Variants in KYAT3 observed in about 807,000 individuals in gnomAD.
KYAT3 encodes kynurenine aminotransferase 3.
Under a neutral mutation model 59.0 loss-of-function variants are expected in KYAT3, and 50 were observed. That is an observed-to-expected ratio of 0.85 (90% CI 0.68 to 1.07). KYAT3 has a LOEUF of 1.07. Among genes scored for constraint, KYAT3 ranks in the 50% least tolerant of loss-of-function variants. The pLI is 0.00. For synonymous variants in KYAT3, 148 were observed against 177.0 expected, an observed-to-expected ratio of 0.84 and a Z score of 1.30; for missense variants, 497 against 533.3, an observed-to-expected ratio of 0.93 and a Z score of 0.67.
chr1:88,936,000 GA>G lies in KYAT3; in HGVS notation c.*182del, dbSNP rs998066948. 60 of 506,094 alleles carry G rather than the reference GA, an allele frequency of 1.2e-4. No individual in the cohort carries two copies. The East Asian group carries it at 1.2e-3, about 10-fold the overall frequency. 31.4% of individuals were successfully genotyped at this position (506,094 alleles called of 1,614,324 possible). ...AAGGTGTGTTAATACATTTCAACTGGAAAAAAAAGGTCAGATCCCCCGAAAA... is the reference window on the plus strand; with the variant it reads ...AAGGTGTGTTAATACATTTCAACTGGAAAAAAAGGTCAGATCCCCCGAAAA... On this transcript the variant is annotated 3_prime_UTR_variant, in exon 14 of 14. Coordinates refer to ENST00000260508, the MANE Select transcript of KYAT3 (RefSeq NM_001008661.3).
intron 2 of KYAT3, among the ~76,000 whole-genome samples, chr1:88,972,162 G>T (rs1396177543): frequency 6.6e-6 from 1 of 152,206 alleles, no homozygotes; most frequent in Non-Finnish European, 1.5e-5. Context: ...GGGAAGAACG[G>T]ATGCTGCAAC....
chr1:88,978,607 C>T (rs1441292774), intron 2 of KYAT3, among the ~76,000 whole-genome samples: 1 of 152,152 alleles, frequency 6.6e-6, no homozygotes, highest in Non-Finnish European at 1.5e-5. Context: ...AAGTCATCCT[C>T]CCACCCCAGC....
chr1:88,953,038 T>C (rs1302341252), intron 10 of KYAT3, 25 bp downstream of exon 10: 1 of 1,386,666 alleles, frequency 7.2e-7, no homozygotes, highest in Non-Finnish European at 1.0e-6. Flanking sequence ...ACAATGCTTC[T>C]ACCCTGAGTT....
Position 88,961,931 on chromosome 1 carries a change from A to G in KYAT3, c.540+128T>C, listed in dbSNP as rs1294684749. The G allele has an allele frequency of 1.5e-5, 10 of 688,050 alleles. No homozygotes were observed. The African/African-American group carries it at 1.6e-4, about 11-fold the overall frequency. The allele number at this position is 688,050 out of a possible 1,614,324, so 42.6% of individuals were successfully genotyped here. On this transcript the variant is annotated intron_variant, in intron 6 of 13. Coordinates refer to ENST00000260508, the MANE Select transcript of KYAT3 (RefSeq NM_001008661.3). ...AAATATTTTAAAAAGACAACTAGAC[A>G]AATAGAGATATACAGGAAATCTCCA...
At chr1:88,926,050 C>A in the KYAT3 span, among the ~76,000 whole-genome samples, 18 of 152,300 alleles carry the variant, frequency 1.2e-4, no homozygotes, top group African/African-American at 4.1e-4. Context: ...TCTGTAGCAG[C>A]AACTGCTTTG....
chr1:88,990,570 C>T (rs1677731681), intron 1 of KYAT3, among the ~76,000 whole-genome samples: 1 of 152,206 alleles, frequency 6.6e-6, no homozygotes, highest in Admixed American at 6.5e-5. Context: ...TGGCTTTTGA[C>T]ATCTTACAAT....
At chr1:88,985,435 A>T (rs1350410469) in intron 2 of KYAT3, among the ~76,000 whole-genome samples, 1 of 152,222 alleles carries the variant, frequency 6.6e-6, no homozygotes, top group Non-Finnish European at 1.5e-5. Context: ...AAGATTGGTA[A>T]GTTTGAATCT....
chr1:88,944,775 T>C lies in KYAT3; in HGVS notation c.1142-1352A>G, dbSNP rs978602681. ...AATACCTAAGGGAGTAGAAGAGGATTATTGACTAATTCTAATTGACACTGT... is the reference window on the plus strand; with the variant it reads ...AATACCTAAGGGAGTAGAAGAGGATCATTGACTAATTCTAATTGACACTGT... On this transcript the variant is annotated intron_variant, in intron 11 of 13. Transcript: ENST00000260508. Among the ~76,000 whole-genome samples, 13 of 152,302 alleles carry C rather than the reference T, an allele frequency of 8.5e-5. 1 individual carries two copies. Among genetic ancestry groups the C allele is most frequent in the Admixed American group, 6.5e-4 (10 of 15,286 alleles).
In KYAT3 at chr1:88,962,086, T is replaced by C. The variant is rs1353176901; in HGVS notation, c.513A>G (p.Ala171=). ...CYEPMVRMAG[A]TPVFIPLRSK... ...ATCTCAGGGGAATAAAAACAGGTGT[T>C]GCTCCAGCCATTCTCACCATGGGCT... The change falls in exon 6 of 14, where the codon GCA becomes GCG. Residue 171 remains alanine, a synonymous_variant. Coordinates refer to ENST00000260508, the MANE Select transcript of KYAT3 (RefSeq NM_001008661.3). 1 of 1,614,038 alleles carries C rather than the reference T, an allele frequency of 6.2e-7. No individual in the cohort carries two copies. The highest frequency in any genetic ancestry group is 1.3e-5 in the African/African-American group (1 of 75,046).
rs752485594 is a variant in KYAT3, at chr1:88,943,120, G to C, written c.1216-29C>G. The stretch of plus-strand genomic sequence containing the variant: ...AAAAATAAATAGAAACATATAATAA[G>C]AAAACTACTTACACTTCAAATATTA... On this transcript the variant is annotated intron_variant, in intron 12 of 13. Coordinates refer to ENST00000260508, the MANE Select transcript of KYAT3 (RefSeq NM_001008661.3). The C allele has an allele frequency of 2.0e-6, 3 of 1,486,506 alleles. No homozygotes were observed. The South Asian group carries it at 3.5e-5, about 17-fold the overall frequency. 92.1% of individuals were successfully genotyped at this position (1,486,506 alleles called of 1,614,324 possible).
chr1:88,976,015 C>CA (rs1676775560), intron 2 of KYAT3, among the ~76,000 whole-genome samples: 1 of 149,882 alleles, frequency 6.7e-6, no homozygotes, highest in Non-Finnish European at 1.5e-5. Context: ...GCCTGGGTGA[C>CA]AGAGCGAGAC....
chr1:88,951,572 T>G (rs1675673852), intron 10 of KYAT3, among the ~76,000 whole-genome samples: 1 of 151,758 alleles, frequency 6.6e-6, no homozygotes, highest in Non-Finnish European at 1.5e-5. Context: ...AAAATACTAT[T>G]TTTTTCAGCA....
intron 1 of KYAT3, among the ~76,000 whole-genome samples, chr1:88,992,288 G>A (rs1677852445): frequency 1.3e-5 from 2 of 152,202 alleles, no homozygotes; most frequent in Admixed American, 1.3e-4. Flanking sequence ...TAAATTAAGA[G>A]TCCCAAAGTC....
At chr1:88,988,871 G>C (rs893905398) in intron 1 of KYAT3, among the ~76,000 whole-genome samples, 4 of 152,170 alleles carry the variant, frequency 2.6e-5, no homozygotes, top group African/African-American at 9.7e-5. Context: ...GTGAATCTTA[G>C]GTTATTCTGA....
At chr1:88,943,215 A>G in intron 12 of KYAT3, 124 bp from the exon 13 acceptor site, 1 of 1,049,122 alleles carries the variant, frequency 9.5e-7, no homozygotes. Flanking sequence ...CAAAAAGAAA[A>G]ATGCTTTTAA....
Position 88,964,941 on chromosome 1 carries a change from TAC to T in KYAT3, c.339_340del (p.Tyr114Ter), listed in dbSNP as rs750759541. On this transcript the variant is annotated frameshift_variant, in exon 5 of 14. Transcript: ENST00000260508. LOFTEE classifies it high-confidence loss of function. ...AATTTGCTTTTGATAAAGCTTTTCA[TAC>T]AGATAGGACAGAGCTTTCACAAGTG... 6 of 1,610,362 alleles carry T rather than the reference TAC, an allele frequency of 3.7e-6. No individual in the cohort carries two copies. In the South Asian group the frequency reaches 6.7e-5, roughly 18 times the overall value.
chr1:88,925,552 C>T, the KYAT3 span, among the ~76,000 whole-genome samples: 1 of 152,150 alleles, frequency 6.6e-6, no homozygotes, highest in Non-Finnish European at 1.5e-5. Flanking sequence ...TTTAGGTATA[C>T]AGCTCTCGAT....
At chr1:88,941,132 A>G (rs1201151078) in intron 13 of KYAT3, among the ~76,000 whole-genome samples, 2 of 152,216 alleles carry the variant, frequency 1.3e-5, no homozygotes, top group Non-Finnish European at 2.9e-5. Flanking sequence ...ACAATTTCAA[A>G]TAATATACCA....
chr1:88,968,859 A>G, intron 3 of KYAT3, 45 bp from the exon 4 acceptor site: 5 of 1,439,282 alleles, frequency 3.5e-6, no homozygotes, highest in East Asian at 2.6e-5. Context: ...CTACAATTAT[A>G]AAGTTCGCTT....
Sources: allele counts gnomAD v4.1 joint callset (sites outside exome capture counted in the v4.1 genomes callset), GRCh38; gene constraint gnomAD v4.1.1; transcripts MANE v1.5; gene names NCBI Gene and HGNC (gene_info 2026-07-23, HGNC 2026-07-21).